LRRK1: variants seen among roughly 807,000 people sequenced by gnomAD.
The protein encoded by LRRK1 is leucine rich repeat kinase 1, also known as leucine-rich repeat serine/threonine-protein kinase 1.
Under a neutral mutation model 209.1 loss-of-function variants are expected in LRRK1, and 113 were observed. The ratio of observed to expected loss-of-function variants is 0.54; its 90% confidence interval spans 0.46 to 0.63. LRRK1 has a LOEUF of 0.63. Ranked by LOEUF, LRRK1 falls within the 30% of genes least tolerant of loss-of-function variation. The pLI is 0.00. For synonymous variants in LRRK1, 1,144 were observed against 1,099.7 expected, an observed-to-expected ratio of 1.04 and a Z score of -0.80; for missense variants, 2,284 against 2,632.2, an observed-to-expected ratio of 0.87 and a Z score of 2.89.
intron 20 of LRRK1, among the ~76,000 whole-genome samples, chr15:101,042,960 G>A (rs1596312070): frequency 6.6e-6 from 1 of 152,324 alleles, no homozygotes; most frequent in South Asian, 2.1e-4. Flanking sequence ...GAGCACACGA[G>A]GGGTGAGACC....
At chr15:100,958,841 G>A (rs2042816488) in intron 2 of LRRK1, among the ~76,000 whole-genome samples, 1 of 152,098 alleles carries the variant, frequency 6.6e-6, no homozygotes, top group Admixed American at 6.6e-5. Context: ...CAGCATGGTG[G>A]TCACACTTCT....
chr15:100,972,383 T>A (rs1287852059), intron 2 of LRRK1, among the ~76,000 whole-genome samples: 1 of 151,392 alleles, frequency 6.6e-6, no homozygotes, highest in African/African-American at 2.4e-5. Flanking sequence ...TGTGTGTGTG[T>A]GTGTGTGTGT....
rs573124365 is a variant in LRRK1, at chr15:101,013,198, G to A, written c.1419+1053G>A. Among the ~76,000 whole-genome samples, 3 of 152,314 alleles carry A rather than the reference G, an allele frequency of 2.0e-5. No individual in the cohort carries two copies. In the South Asian group the frequency reaches 6.2e-4, roughly 32 times the overall value. ...TGGGGGACCCTGAGGTCTGGCACATGGCAGGGTCTCCATAGAATTTCAGCA... is the reference window on the plus strand; with the variant it reads ...TGGGGGACCCTGAGGTCTGGCACATAGCAGGGTCTCCATAGAATTTCAGCA... On this transcript the variant is annotated intron_variant, in intron 10 of 33. Transcript: ENST00000388948.
At chr15:100,995,067 A>G (rs1040238534) in intron 6 of LRRK1, among the ~76,000 whole-genome samples, 4 of 152,152 alleles carry the variant, frequency 2.6e-5, no homozygotes, top group African/African-American at 9.7e-5. Context: ...GACCTTGTTG[A>G]AGTAACGGTC....
chr15:100,941,462 C>CTCTG lies in LRRK1; in HGVS notation c.97+16735_97+16738dup, dbSNP rs1228538888. Among the ~76,000 whole-genome samples, 11 of 16,470 alleles carry CTCTG rather than the reference C, an allele frequency of 6.7e-4. 1 individual carries two copies. In the South Asian group the frequency reaches 0.027, roughly 41 times the overall value. The allele number at this position is 16,470 out of a possible 152,430, so 10.8% of individuals were successfully genotyped here. A position where few individuals can be genotyped will look rare whatever the true frequency, so the allele number is the denominator to read the frequency against. On this transcript the variant is annotated intron_variant, in intron 2 of 33. Transcript: ENST00000388948. ...TGTGTGTGTCTGTGTGTGTCTATGT[C>CTCTG]TCTGTGTGTGTGTGTGTGTGTGTGT...
chr15:100,993,689 C>G (rs1337539420), intron 6 of LRRK1, among the ~76,000 whole-genome samples: 1 of 152,156 alleles, frequency 6.6e-6, no homozygotes, highest in African/African-American at 2.4e-5. Context: ...TTCTTGTAAA[C>G]AGCATTTGGT....
chr15:101,077,512 T>G lies in LRRK1; in HGVS notation c.*8664T>G, dbSNP rs1232608077. The G allele has an allele frequency of 6.6e-6, 1 of 152,230 alleles. No homozygotes were observed. Among genetic ancestry groups the G allele is most frequent in the African/African-American group, 2.4e-5 (1 of 41,448 alleles). The allele number at this position is 152,230 out of a possible 1,614,324, so 9.4% of individuals were successfully genotyped here. On this transcript the variant is annotated 3_prime_UTR_variant, in exon 34 of 34. Coordinates refer to ENST00000388948, the MANE Select transcript of LRRK1 (RefSeq NM_024652.6). The stretch of plus-strand genomic sequence containing the variant: ...ATCAGATGTCCTGAGTCATCTCAAT[T>G]CTTAGACCTTTTATACCTGTTTTTC...
intron 2 of LRRK1, among the ~76,000 whole-genome samples, chr15:100,970,960 T>C (rs2030833567): frequency 6.6e-6 from 1 of 152,246 alleles, no homozygotes; most frequent in African/African-American, 2.4e-5. Flanking sequence ...TTTCAATTTT[T>C]CAATGTTAAC....
At chr15:101,028,095 C>T (rs975532123) in intron 19 of LRRK1, among the ~76,000 whole-genome samples, 1 of 141,002 alleles carries the variant, frequency 7.1e-6, no homozygotes, top group Non-Finnish European at 1.5e-5. Context: ...CAAACAGTTA[C>T]AATCGATTCT....
chr15:101,040,429 G>A (rs1950431411), intron 20 of LRRK1, among the ~76,000 whole-genome samples: 1 of 151,878 alleles, frequency 6.6e-6, no homozygotes, highest in South Asian at 2.1e-4. Flanking sequence ...GATCAGTCTT[G>A]CTAAGTGTTT....
intron 10 of LRRK1, among the ~76,000 whole-genome samples, chr15:101,013,530 C>T (rs2033381253): frequency 6.6e-6 from 1 of 152,162 alleles, no homozygotes; most frequent in Non-Finnish European, 1.5e-5. Context: ...GGGGGGACTG[C>T]TTGAGGCCAG....
chr15:101,066,550 C>A, intron 32 of LRRK1, 90 bp from the exon 33 acceptor site: 1 of 1,171,880 alleles, frequency 8.5e-7, no homozygotes, highest in Non-Finnish European at 1.3e-6. Context: ...TCTGTTGCCT[C>A]CCTCCCGCAC....
chr15:101,059,817 C>T (rs1391542349), intron 29 of LRRK1, among the ~76,000 whole-genome samples: 1 of 152,212 alleles, frequency 6.6e-6, no homozygotes, highest in Non-Finnish European at 1.5e-5. Context: ...AACCAGGGCT[C>T]ATCAGAATCA....
chr15:101,058,109 C>T lies in LRRK1; in HGVS notation c.4647C>T (p.Thr1549=), dbSNP rs11853661. 0.43 allele frequency: 693,618 copies of T among 1,613,346 alleles called. 153,277 individuals are homozygous for T. The highest frequency in any genetic ancestry group is 0.46 in the Non-Finnish European group (538,385 of 1,179,530). Residue 1549 remains threonine, a synonymous_variant, in exon 29 of 34, where the codon ACC becomes ACT. Transcript: ENST00000388948. ...AFFSSQGQEY[T]VVFWDGKEES... The stretch of plus-strand genomic sequence containing the variant: ...TCTCATCCCAGGGCCAGGAGTACAC[C>T]GTGGTGTTTTGGGATGGAAAAGAGG...
chr15:101,001,977 A>C (rs1032046721), intron 6 of LRRK1, among the ~76,000 whole-genome samples: 9 of 152,084 alleles, frequency 5.9e-5, no homozygotes, highest in African/African-American at 2.2e-4. Flanking sequence ...ACAGAGGAAC[A>C]CCTGTGTGCA....
At chr15:101,068,273 G>A (rs1220790285) in intron 33 of LRRK1, among the ~76,000 whole-genome samples, 1 of 152,150 alleles carries the variant, frequency 6.6e-6, no homozygotes, top group African/African-American at 2.4e-5. Context: ...GAATCTTACT[G>A]AGCTTAGTGG....
At chr15:101,059,468 C>T (rs1225500584) in intron 29 of LRRK1, among the ~76,000 whole-genome samples, 1 of 152,004 alleles carries the variant, frequency 6.6e-6, no homozygotes, top group Non-Finnish European at 1.5e-5. Flanking sequence ...ACTCTAAGGA[C>T]AAAACAAAAA....
At chr15:100,972,934 A>ACACC (rs1555462738) in intron 2 of LRRK1, among the ~76,000 whole-genome samples, 4 of 151,522 alleles carry the variant, frequency 2.6e-5, no homozygotes, top group Non-Finnish European at 5.9e-5. Flanking sequence ...ACACACACAC[A>ACACC]CACCCAGTTT....
rs1241257248 is a variant in LRRK1, at chr15:101,074,697, T to C, written c.*5849T>C. 6.6e-6 allele frequency: 1 copy of C among 152,120 alleles called. No homozygotes were observed. Among genetic ancestry groups the C allele is most frequent in the Admixed American group, 6.5e-5 (1 of 15,284 alleles). 9.4% of individuals were successfully genotyped at this position (152,120 alleles called of 1,614,324 possible). ...ATAATAGAAAAAAGTTGCAATTCCTTGCCTCCACTGTGAGACAAACCCCAG... is the reference window on the plus strand; with the variant it reads ...ATAATAGAAAAAAGTTGCAATTCCTCGCCTCCACTGTGAGACAAACCCCAG... On this transcript the variant is annotated 3_prime_UTR_variant, in exon 34 of 34. Transcript: ENST00000388948.
Sources: gnomAD v4.1 joint callset for allele counts (sites outside exome capture counted in the v4.1 genomes callset) on GRCh38, gnomAD v4.1.1 for gene constraint, MANE v1.5 for transcripts, NCBI Gene and HGNC (gene_info 2026-07-23, HGNC 2026-07-21) for gene names.